The following LYRM1 variants were observed in gnomAD, a reference collection of about 807,000 sequenced individuals.
LYRM1 encodes the protein LYR motif containing 1, also known as LYR motif-containing protein 1.
Under a neutral mutation model 14.9 loss-of-function variants are expected in LYRM1, and 14 were observed. The ratio of observed to expected loss-of-function variants is 0.94; its 90% CI spans 0.62 to 1.47. The LOEUF (loss-of-function observed/expected upper bound fraction) is 1.47, where lower values mean the gene tolerates loss of function less well. LYRM1 is among the 40% of genes most tolerant of loss of function. The pLI is 0.00. For synonymous variants in LYRM1, 43 were observed against 56.2 expected (o/e 0.77, Z 1.05); for missense variants, 153 against 149.9 (o/e 1.02, Z -0.11).
chr16:20,901,821 G>C lies in LYRM1; in HGVS notation c.-1+932G>C. Among the ~76,000 whole-genome samples the C allele has an allele frequency of 6.6e-6, 1 of 152,204 alleles. No homozygotes were observed. Among genetic ancestry groups the C allele is most frequent in the East Asian group, 1.9e-4 (1 of 5,192 alleles). Reference sequence around the variant, plus strand: ...TGTTGCACTGTAAGACAAAGGAGAGGTGAAGATAGTGTTGAAAGGGCCGGC... The same window carrying C: ...TGTTGCACTGTAAGACAAAGGAGAGCTGAAGATAGTGTTGAAAGGGCCGGC... On this transcript the variant is annotated intron_variant, in intron 1 of 3. Transcript: ENST00000567954. This position sits in a 1 kb window ranked among gnomAD's most constrained non-coding sequence, Gnocchi z 4.6.
chr16:20,924,091 T>C lies in LYRM1; in HGVS notation c.344T>C (p.Leu115Pro), dbSNP rs1039087058. The change falls in exon 4 of 4, where the codon CTC (leucine) becomes CCC (proline). Residue 115 changes from leucine to proline, a missense_variant. By Grantham distance (98) the Leu-to-Pro change is moderately conservative. Coordinates refer to ENST00000567954, the MANE Select transcript of LYRM1 (RefSeq NM_001128302.3). ...AGGAAACTTTCCAAACCAGTATATC[T>C]CAGATCTCATGATGAAGTTTCCTAA... ...KLRKLSKPVY[L>P]RSHDEVS The C allele has an allele frequency of 1.2e-6, 2 of 1,604,106 alleles. No individual in the cohort carries two copies. The highest frequency in any genetic ancestry group is 2.7e-5 in the African/African-American group (2 of 74,656).
chr16:20,917,459 A>G (rs1018630471), intron 2 of LYRM1, among the ~76,000 whole-genome samples: 5 of 151,866 alleles, frequency 3.3e-5, no homozygotes, highest in Admixed American at 6.6e-5. Context: ...AAATATTTCA[A>G]TGAAAAGAGT....
At chr16:20,914,997 G>A (rs1408840208) in intron 1 of LYRM1, among the ~76,000 whole-genome samples, 2 of 152,124 alleles carry the variant, frequency 1.3e-5, no homozygotes, top group South Asian at 2.1e-4. Context: ...CTTTGGTTTT[G>A]CCGTGTTCAT....
chr16:20,901,637 A>G lies in LYRM1; in HGVS notation c.-1+748A>G, dbSNP rs528719812. On this transcript the variant is annotated intron_variant, in intron 1 of 3. Coordinates refer to ENST00000567954, the MANE Select transcript of LYRM1 (RefSeq NM_001128302.3). This position sits in a 1 kb window ranked among gnomAD's most constrained non-coding sequence, Gnocchi z 4.6. Reference sequence around the variant, plus strand: ...CCTGTGATGTAGTTGGGGAAGTGGCATGACTGTAGCAGCGCCTTTTAGCCC... The same window carrying G: ...CCTGTGATGTAGTTGGGGAAGTGGCGTGACTGTAGCAGCGCCTTTTAGCCC... 1.5e-3 allele frequency among the ~76,000 whole-genome samples: 230 copies of G among 152,392 alleles called. 1 individual carries two copies. Among genetic ancestry groups the G allele is most frequent in the African/African-American group, 5.3e-3 (222 of 41,596 alleles).
chr16:20,924,521 T>C lies in LYRM1; in HGVS notation c.*405T>C, dbSNP rs892863847. 1 of 146,168 alleles carries C rather than the reference T, an allele frequency of 6.8e-6. No homozygotes were observed. Among genetic ancestry groups the C allele is most frequent in the Non-Finnish European group, 1.5e-5 (1 of 66,596 alleles). 9.1% of individuals were successfully genotyped at this position (146,168 alleles called of 1,614,324 possible). On this transcript the variant is annotated 3_prime_UTR_variant, in exon 4 of 4. Coordinates refer to ENST00000567954, the MANE Select transcript of LYRM1 (RefSeq NM_001128302.3). ...TACCACTCTCAGAATATTCTTAGGC[T>C]TTTTTTTTTTCAAGTTATAGATTTG... is the stretch of plus-strand genomic sequence containing the variant.
chr16:20,907,774 T>G (rs1257100596), intron 1 of LYRM1, among the ~76,000 whole-genome samples: 1 of 152,086 alleles, frequency 6.6e-6, no homozygotes, highest in Non-Finnish European at 1.5e-5. Context: ...ATCACACCAT[T>G]CAGGACTCAG....
intron 1 of LYRM1, among the ~76,000 whole-genome samples, chr16:20,907,625 G>A (rs2082387886): frequency 6.6e-6 from 1 of 152,076 alleles, no homozygotes; most frequent in African/African-American, 2.4e-5. Flanking sequence ...GCCTCCCAAA[G>A]TGCTGGGATT....
intron 1 of LYRM1, among the ~76,000 whole-genome samples, chr16:20,908,507 T>A (rs917663410): frequency 6.6e-6 from 1 of 152,244 alleles, no homozygotes; most frequent in Non-Finnish European, 1.5e-5. Flanking sequence ...CTTGGACAAG[T>A]TACTTAGTCT....
intron 1 of LYRM1, among the ~76,000 whole-genome samples, chr16:20,904,938 C>T (rs1198291695): frequency 2.6e-5 from 4 of 152,112 alleles, no homozygotes; most frequent in Admixed American, 2.0e-4. Context: ...TTGGCACCTG[C>T]ATTATATTTC....
chr16:20,915,058 G>C (rs2082803907), intron 1 of LYRM1, among the ~76,000 whole-genome samples: 1 of 152,174 alleles, frequency 6.6e-6, no homozygotes, highest in South Asian at 2.1e-4. Context: ...TCAACCTCGG[G>C]ATGAATTACA....
At position 20,906,194 on chromosome 16, in the gene LYRM1, G is replaced by T. The variant is rs781252005; in HGVS notation, c.-1+5305G>T. 4.6e-5 allele frequency among the ~76,000 whole-genome samples: 7 copies of T among 152,280 alleles called. No individual in the cohort carries two copies. The South Asian group carries it at 1.2e-3, about 27-fold the overall frequency. On this transcript the variant is annotated intron_variant, in intron 1 of 3. Transcript: ENST00000567954. ...GACAGGGGTATGCCAGAGGTGCCAG[G>T]AGTGCACATAGCCGGGACACTGACC...
intron 1 of LYRM1, among the ~76,000 whole-genome samples, chr16:20,912,646 C>A (rs905561850): frequency 2.6e-5 from 4 of 152,162 alleles, no homozygotes; most frequent in Admixed American, 1.3e-4. Flanking sequence ...GGGATATCTT[C>A]ATACAGCAGG....
intron 1 of LYRM1, among the ~76,000 whole-genome samples, chr16:20,904,522 T>A (rs1199448231): frequency 6.6e-6 from 1 of 152,212 alleles, no homozygotes; most frequent in Non-Finnish European, 1.5e-5. Context: ...TCTTATCATT[T>A]TCTGTGTAAA....
chr16:20,903,049 T>C (rs2082145306), intron 1 of LYRM1, among the ~76,000 whole-genome samples: 1 of 152,056 alleles, frequency 6.6e-6, no homozygotes, highest in African/African-American at 2.4e-5. Context: ...ACCAGCAGAG[T>C]GGCCATGGAT....
rs781693701 is a variant in LYRM1, at chr16:20,915,762, T to A, written c.159+48T>A. ...TTGTGCAGAGGAGAGTTGTTCCTTA[T>A]GATATTTGTTTATTTCTTTTCGGTC... is the stretch of plus-strand genomic sequence containing the variant. On this transcript the variant is annotated intron_variant, in intron 2 of 3. Transcript: ENST00000567954. 2.5e-6 allele frequency: 4 copies of A among 1,584,072 alleles called. No homozygotes were observed. The African/African-American group carries it at 4.1e-5, about 16-fold the overall frequency.
Position 20,922,633 on chromosome 16 carries a change from G to T in LYRM1, c.253-1367G>T, listed in dbSNP as rs143185189. ...CCCTCCCAAGTAGCTGGGATTACAG[G>T]CCCCCGCCACCATGCCAGCTAATTT... On this transcript the variant is annotated intron_variant, in intron 3 of 3. Coordinates refer to ENST00000567954, the MANE Select transcript of LYRM1 (RefSeq NM_001128302.3). Among the ~76,000 whole-genome samples, 555 of 152,044 alleles carry T rather than the reference G, an allele frequency of 3.7e-3. 7 individuals carry two copies. Among genetic ancestry groups the T allele is most frequent in the African/African-American group, 0.013 (531 of 41,490 alleles).
At chr16:20,918,175 G>A (rs1040329461) in intron 2 of LYRM1, among the ~76,000 whole-genome samples, 1 of 152,058 alleles carries the variant, frequency 6.6e-6, no homozygotes, top group African/African-American at 2.4e-5. Context: ...ATAGTTGAAG[G>A]CACTGTCCAG....
At chr16:20,919,487 CCTCT>C (rs954191749) in intron 2 of LYRM1, among the ~76,000 whole-genome samples, 1 of 152,082 alleles carries the variant, frequency 6.6e-6, no homozygotes, top group African/African-American at 2.4e-5. Flanking sequence ...TCCTAGCAGT[CCTCT>C]CTCTCTAGGA....
chr16:20,915,157 CTAAT>C (rs2082808574), intron 1 of LYRM1, among the ~76,000 whole-genome samples: 1 of 152,164 alleles, frequency 6.6e-6, no homozygotes, highest in Admixed American at 6.5e-5. Context: ...TATTTCTAGA[CTAAT>C]TAAAGGTCTT....
Sources: allele counts gnomAD v4.1 joint callset (sites outside exome capture counted in the v4.1 genomes callset), GRCh38; gene constraint gnomAD v4.1.1; non-coding constraint Gnocchi (gnomAD v3.1); transcripts MANE v1.5; gene names NCBI Gene and HGNC (gene_info 2026-07-23, HGNC 2026-07-21).